HS6ST3: variants seen among roughly 807,000 people sequenced by gnomAD.
The protein encoded by HS6ST3 is heparan-sulfate 6-O-sulfotransferase 3.
Under a neutral mutation model 36.7 loss-of-function variants are expected in HS6ST3, and 12 were observed. The observed-to-expected ratio is 0.33, with a 90% CI of 0.21 to 0.53. The LOEUF is 0.53. Among genes scored for constraint, HS6ST3 ranks in the 20% least tolerant of loss-of-function variants. HS6ST3 has a pLI of 0.95. For synonymous variants in HS6ST3, 240 were observed against 257.5 expected, an observed-to-expected ratio of 0.93 and a Z score of 0.65; for missense variants, 584 against 640.9, an observed-to-expected ratio of 0.91 and a Z score of 0.96.
chr13:96,164,011 GC>G, intron 1 of HS6ST3, among the ~76,000 whole-genome samples: 1 of 152,244 alleles, frequency 6.6e-6, no homozygotes, highest in Admixed American at 6.5e-5. Flanking sequence ...CTTCACTGAT[GC>G]CCCAGGAATG....
At chr13:96,742,497 G>A (rs549201258) in intron 1 of HS6ST3, among the ~76,000 whole-genome samples, 23 of 152,128 alleles carry the variant, frequency 1.5e-4, no homozygotes, top group Non-Finnish European at 3.2e-4. Flanking sequence ...AGATATACCA[G>A]GCAAATGTTA....
intron 1 of HS6ST3, among the ~76,000 whole-genome samples, chr13:96,131,268 C>T (rs1422624533): frequency 6.6e-6 from 1 of 152,090 alleles, no homozygotes; most frequent in East Asian, 1.9e-4. Flanking sequence ...AGAAACTCTT[C>T]TATTCATTGA....
chr13:96,787,973 A>G (rs574691501), intron 1 of HS6ST3, among the ~76,000 whole-genome samples: 1 of 152,062 alleles, frequency 6.6e-6, no homozygotes, highest in African/African-American at 2.4e-5. Flanking sequence ...TGACCCATGA[A>G]TGTCCAATTA....
intron 1 of HS6ST3, among the ~76,000 whole-genome samples, chr13:96,254,492 TATATATACACATACATACAC>T (rs2054626808): frequency 4.0e-5 from 1 of 24,722 alleles, no homozygotes; most frequent in African/African-American, 1.5e-4. Context: ...TATATATATA[TATATATACACATACATACAC>T]ACACACACTT....
chr13:96,767,506 T>TA (rs1174756251), intron 1 of HS6ST3, among the ~76,000 whole-genome samples: 1 of 152,202 alleles, frequency 6.6e-6, no homozygotes, highest in East Asian at 1.9e-4. Context: ...TGCAAAAGCA[T>TA]AAAAAATCTT....
intron 1 of HS6ST3, among the ~76,000 whole-genome samples, chr13:96,180,882 T>G (rs1006469919): frequency 6.6e-6 from 1 of 152,198 alleles, no homozygotes; most frequent in African/African-American, 2.4e-5. Context: ...CCCTCTTTCC[T>G]TCTCCTTTTT....
chr13:96,792,763 G>A (rs1877821544), intron 1 of HS6ST3, among the ~76,000 whole-genome samples: 1 of 152,022 alleles, frequency 6.6e-6, no homozygotes, highest in Non-Finnish European at 1.5e-5. Flanking sequence ...CTTATCTGGA[G>A]AGATTTTGCA....
chr13:96,771,467 G>A (rs1464768373), intron 1 of HS6ST3, among the ~76,000 whole-genome samples: 1 of 152,092 alleles, frequency 6.6e-6, no homozygotes, highest in Non-Finnish European at 1.5e-5. Flanking sequence ...AGGGAAACCA[G>A]ATAAGCATTC....
intron 1 of HS6ST3, among the ~76,000 whole-genome samples, chr13:96,548,288 T>C (rs1390300826): frequency 6.6e-6 from 1 of 152,118 alleles, no homozygotes; most frequent in Admixed American, 6.6e-5. Flanking sequence ...ACCTTGCTTA[T>C]CCATCCCACC....
chr13:96,519,542 G>A (rs1417318055), intron 1 of HS6ST3, among the ~76,000 whole-genome samples: 1 of 152,202 alleles, frequency 6.6e-6, no homozygotes, highest in Non-Finnish European at 1.5e-5. Context: ...CTGGAAGTGA[G>A]CTGGCCACTG....
chr13:96,200,335 T>C (rs1227995014), intron 1 of HS6ST3, among the ~76,000 whole-genome samples: 1 of 152,172 alleles, frequency 6.6e-6, no homozygotes, highest in Non-Finnish European at 1.5e-5. Context: ...CTCCCCTACT[T>C]TCTTGACTTG....
At chr13:96,408,906 A>G (rs1723121300) in intron 1 of HS6ST3, among the ~76,000 whole-genome samples, 1 of 151,954 alleles carries the variant, frequency 6.6e-6, no homozygotes, top group South Asian at 2.1e-4. Context: ...CTTTGGTGAC[A>G]GAGTGAGACT....
At chr13:96,561,886 T>C (rs556923695) in intron 1 of HS6ST3, among the ~76,000 whole-genome samples, 1 of 152,214 alleles carries the variant, frequency 6.6e-6, no homozygotes, top group African/African-American at 2.4e-5. Context: ...AACAGATGCT[T>C]ACAAGGCTGT....
chr13:96,242,057 T>TTACAGGCG (rs2054563221), intron 1 of HS6ST3, among the ~76,000 whole-genome samples: 1 of 152,020 alleles, frequency 6.6e-6, no homozygotes, highest in African/African-American at 2.4e-5. Flanking sequence ...AGTGCTGAGA[T>TTACAGGCG]TACAGGCGTG....
intron 1 of HS6ST3, among the ~76,000 whole-genome samples, chr13:96,331,284 C>T (rs1320463980): frequency 5.3e-5 from 8 of 152,122 alleles, no homozygotes; most frequent in African/African-American, 1.9e-4. Context: ...AGTTTTTCTG[C>T]TCTGTTTTTT....
chr13:96,508,199 G>T (rs564046125), intron 1 of HS6ST3, among the ~76,000 whole-genome samples: 1 of 151,878 alleles, frequency 6.6e-6, no homozygotes. Context: ...TAATCCCCAC[G>T]GTTTCATAAT....
intron 1 of HS6ST3, among the ~76,000 whole-genome samples, chr13:96,353,216 TACAG>T (rs1338927916): frequency 6.6e-6 from 1 of 151,882 alleles, no homozygotes; most frequent in Non-Finnish European, 1.5e-5. Context: ...GTATTTTTAG[TACAG>T]ACAGAGTTTC....
At chr13:96,742,607 A>G (rs892644988) in intron 1 of HS6ST3, among the ~76,000 whole-genome samples, 4 of 152,154 alleles carry the variant, frequency 2.6e-5, no homozygotes, top group Non-Finnish European at 5.9e-5. Context: ...GAACAAGAGC[A>G]CACAATTAAA....
At position 96,610,844 on chromosome 13, in the gene HS6ST3, G is replaced by GA. The variant is rs1419466463; in HGVS notation, c.708-221639dup. 1.5e-4 allele frequency among the ~76,000 whole-genome samples: 22 copies of GA among 142,938 alleles called. No homozygotes were observed. The East Asian group carries it at 4.3e-3, about 28-fold the overall frequency. The allele number at this position is 142,938 out of a possible 152,430, so 93.8% of individuals were successfully genotyped here. ...CCCCAGAGAAGTTTGTAGCTGTGCT[G>GA]AAAAAAATGAAAAAAAAAAACAAAA... is the stretch of plus-strand genomic sequence containing the variant. On this transcript the variant is annotated intron_variant, in intron 1 of 1. Coordinates refer to ENST00000376705, the MANE Select transcript of HS6ST3 (RefSeq NM_153456.4).
Sources: gnomAD v4.1 joint callset for allele counts (sites outside exome capture counted in the v4.1 genomes callset) on GRCh38, gnomAD v4.1.1 for gene constraint, MANE v1.5 for transcripts, NCBI Gene and HGNC (gene_info 2026-07-23, HGNC 2026-07-21) for gene names.